The following MACROD2 variants were observed in gnomAD, a reference collection of about 807,000 sequenced individuals.
MACROD2 encodes ADP-ribose glycohydrolase MACROD2.
MACROD2 carries 36 observed loss-of-function variants against 70.4 expected under a neutral mutation model. The ratio of observed to expected loss-of-function variants is 0.51; its 90% CI spans 0.39 to 0.68. MACROD2 has a LOEUF of 0.68. Among genes scored for constraint, MACROD2 ranks in the 30% least tolerant of loss-of-function variants. MACROD2 has a pLI of 0.00. For synonymous variants in MACROD2, 172 were observed against 178.8 expected, an observed-to-expected ratio of 0.96 and a Z score of 0.30; for missense variants, 496 against 538.4, an observed-to-expected ratio of 0.92 and a Z score of 0.78.
chr20:15,139,073 G>A (rs1290137692), intron 5 of MACROD2, among the ~76,000 whole-genome samples: 1 of 152,160 alleles, frequency 6.6e-6, no homozygotes, highest in Non-Finnish European at 1.5e-5. Flanking sequence ...GAGGTTTAAT[G>A]TCTTTGCCAT....
chr20:13,997,229 A>G (rs1004466137), intron 1 of MACROD2, among the ~76,000 whole-genome samples: 2 of 152,238 alleles, frequency 1.3e-5, no homozygotes, highest in African/African-American at 4.8e-5. Flanking sequence ...TTCTGGTGTT[A>G]TAAATCAAAT....
At chr20:15,391,869 A>G (rs1432128563) in intron 6 of MACROD2, among the ~76,000 whole-genome samples, 2 of 152,190 alleles carry the variant, frequency 1.3e-5, no homozygotes, top group Non-Finnish European at 2.9e-5. Context: ...TTGAGTTTTC[A>G]TATTAATTTC....
intron 6 of MACROD2, among the ~76,000 whole-genome samples, chr20:15,415,691 G>A (rs762051450): frequency 4.6e-5 from 7 of 152,168 alleles, no homozygotes; most frequent in Non-Finnish European, 8.8e-5. Flanking sequence ...CAGAACTAGT[G>A]GCGGCTAAAA....
At position 15,995,649 on chromosome 20, in the gene MACROD2, C is replaced by CTTTTTTTTTTTT. The variant is rs71192310; in HGVS notation, c.1153+8500_1153+8511dup. 8.5e-4 allele frequency among the ~76,000 whole-genome samples: 73 copies of CTTTTTTTTTTTT among 85,476 alleles called. 2 individuals are homozygous for CTTTTTTTTTTTT. The highest frequency in any genetic ancestry group is 1.3e-3 in the African/African-American group (30 of 23,768). The allele number at this position is 85,476 out of a possible 152,430, so 56.1% of individuals were successfully genotyped here. On this transcript the variant is annotated intron_variant, in intron 15 of 17. Coordinates refer to ENST00000684519, the MANE Select transcript of MACROD2 (RefSeq NM_001351661.2). ...ACAGGCATGAGCCACTATGCCCGGC[C>CTTTTTTTTTTTT]TTTTTTTTTTTTTTTTTTTTAACTT... is the stretch of plus-strand genomic sequence containing the variant.
intron 6 of MACROD2, among the ~76,000 whole-genome samples, chr20:15,367,486 G>GTGTTCACT (rs1326561974): frequency 6.6e-6 from 1 of 152,020 alleles, no homozygotes; most frequent in East Asian, 1.9e-4. Flanking sequence ...GAACTACTAG[G>GTGTTCACT]TGTTCACTGA....
chr20:14,861,605 G>C (rs1336231145), intron 5 of MACROD2, among the ~76,000 whole-genome samples: 1 of 151,844 alleles, frequency 6.6e-6, no homozygotes, highest in Non-Finnish European at 1.5e-5. Context: ...CTATGTAGTG[G>C]GGAAAATGGG....
chr20:14,466,403 C>T (rs1028889540), intron 3 of MACROD2, among the ~76,000 whole-genome samples: 20 of 152,150 alleles, frequency 1.3e-4, no homozygotes, highest in Non-Finnish European at 2.5e-4. Flanking sequence ...TTAAGGACTT[C>T]TCTGCATTGG....
intron 3 of MACROD2, among the ~76,000 whole-genome samples, chr20:14,468,505 G>A (rs1429333099): frequency 8.2e-6 from 1 of 122,010 alleles, no homozygotes; most frequent in East Asian, 2.2e-4. Flanking sequence ...GAGCCTCTGT[G>A]TGTCTTTTTT....
chr20:14,886,245 G>A (rs926134039), intron 5 of MACROD2, among the ~76,000 whole-genome samples: 2 of 152,122 alleles, frequency 1.3e-5, no homozygotes, highest in Non-Finnish European at 2.9e-5. Flanking sequence ...TCCAGATAGA[G>A]GAAACAGCAA....
chr20:15,066,984 A>G (rs751137293), intron 5 of MACROD2, among the ~76,000 whole-genome samples: 1 of 152,182 alleles, frequency 6.6e-6, no homozygotes, highest in Non-Finnish European at 1.5e-5. Context: ...ACTACAGTCA[A>G]ATTTCAAAAC....
At chr20:14,932,161 A>G (rs934066478) in intron 5 of MACROD2, among the ~76,000 whole-genome samples, 1 of 152,170 alleles carries the variant, frequency 6.6e-6, no homozygotes, top group African/African-American at 2.4e-5. Context: ...CCTATTACTT[A>G]TATAACCTTC....
At chr20:14,196,301 T>A (rs1454423955) in intron 3 of MACROD2, among the ~76,000 whole-genome samples, 1 of 152,256 alleles carries the variant, frequency 6.6e-6, no homozygotes, top group Non-Finnish European at 1.5e-5. Context: ...AGATCTGTGA[T>A]ATGCAAATCC....
intron 8 of MACROD2, among the ~76,000 whole-genome samples, chr20:15,751,295 A>T (rs1017284700): frequency 1.3e-5 from 2 of 152,066 alleles, no homozygotes; most frequent in African/African-American, 4.8e-5. Flanking sequence ...CAAAATAAAA[A>T]ATTAAAACAA....
intron 4 of MACROD2, among the ~76,000 whole-genome samples, chr20:14,676,399 A>G (rs1351950650): frequency 6.6e-6 from 1 of 152,254 alleles, no homozygotes; most frequent in Non-Finnish European, 1.5e-5. Flanking sequence ...ATTAGAACTC[A>G]GGATTAAGAA....
intron 6 of MACROD2, among the ~76,000 whole-genome samples, chr20:15,387,369 TCTTCCCTCTCTTC>T (rs66946052): frequency 0.37 from 55,312 of 149,402 alleles, 10,504 homozygotes; most frequent in East Asian, 0.53. Flanking sequence ...CCTCTCCCTT[TCTTCCCTCTCTTC>T]CTACCTCTCT....
At chr20:15,582,121 CAA>C (rs11417111) in intron 8 of MACROD2, among the ~76,000 whole-genome samples, 4 of 140,880 alleles carry the variant, frequency 2.8e-5, no homozygotes, top group Non-Finnish European at 3.1e-5. Flanking sequence ...GACTCGGTCT[CAA>C]AAAAAAAAAA....
chr20:14,778,160 G>A (rs1429800413), intron 5 of MACROD2, among the ~76,000 whole-genome samples: 1 of 152,114 alleles, frequency 6.6e-6, no homozygotes, highest in Non-Finnish European at 1.5e-5. Flanking sequence ...AATTGAGGTT[G>A]AGCTGATTCC....
intron 3 of MACROD2, among the ~76,000 whole-genome samples, chr20:14,221,347 G>A (rs2081671949): frequency 6.6e-6 from 1 of 152,010 alleles, no homozygotes; most frequent in South Asian, 2.1e-4. Context: ...ACATTATTGT[G>A]GTATTTTGAA....
rs576783117 is a variant in MACROD2 at position 15,883,318 on chromosome 20, T to C, written c.728-2446T>C. On this transcript the variant is annotated intron_variant, in intron 9 of 17. Coordinates refer to ENST00000684519, the MANE Select transcript of MACROD2 (RefSeq NM_001351661.2). ...TGTAAAATAAAATTATATTTAAAGA[T>C]GTTAAGTTCAGGGAAGAATCTATGA... is the stretch of plus-strand genomic sequence containing the variant. Among the ~76,000 whole-genome samples, 4 of 152,228 alleles carry C rather than the reference T, an allele frequency of 2.6e-5. No homozygotes were observed. In the South Asian group the frequency reaches 8.3e-4, roughly 32 times the overall value.
Sources: allele counts gnomAD v4.1 joint callset (sites outside exome capture counted in the v4.1 genomes callset), GRCh38; gene constraint gnomAD v4.1.1; transcripts MANE v1.5; gene names NCBI Gene and HGNC (gene_info 2026-07-23, HGNC 2026-07-21).